DNAH14: variants seen among roughly 807,000 people sequenced by gnomAD.
The protein encoded by DNAH14 is axonemal beta dynein heavy chain 14.
DNAH14 carries 478 observed loss-of-function variants against 520.9 expected under a neutral mutation model. The ratio of observed to expected loss-of-function variants is 0.92; its 90% confidence interval spans 0.85 to 0.99. The LOEUF is 0.99. Ranked by LOEUF, DNAH14 falls within the 50% of genes least tolerant of loss-of-function variation. The pLI, the probability that DNAH14 is intolerant of heterozygous loss-of-function variation, is 0.00. For synonymous variants in DNAH14, 1,581 were observed against 1,757.2 expected, an observed-to-expected ratio of 0.90 and a Z score of 2.51; for missense variants, 4,831 against 5,234.5, an observed-to-expected ratio of 0.92 and a Z score of 2.38.
chr1:225,146,707 C>G (rs972225933), intron 30 of DNAH14, among the ~76,000 whole-genome samples: 2 of 152,198 alleles, frequency 1.3e-5, no homozygotes, highest in Admixed American at 6.5e-5. Context: ...GAAAAGGCAG[C>G]CCCCAGATTC....
At chr1:225,202,342 ACT>A (rs1182964036) in intron 38 of DNAH14, among the ~76,000 whole-genome samples, 1 of 151,424 alleles carries the variant, frequency 6.6e-6, no homozygotes, top group East Asian at 1.9e-4. Context: ...CTGAGCTCAG[ACT>A]CTCCTTGGGC....
chr1:225,192,834 G>A lies in DNAH14; in HGVS notation c.5809G>A (p.Val1937Ile), dbSNP rs1247634768. Residue 1937 changes from valine (V) to isoleucine (I), a missense_variant, in exon 38 of 86, where the codon GTA (valine) becomes ATA (isoleucine). Coordinates refer to ENST00000682510, the MANE Select transcript of DNAH14 (RefSeq NM_001367479.1). ...ATTATCAGCAACAATTCGAAGTTAT[G>A]TATATTTTAACACACCAAAGAACAC... ...GLLSATIRSY[V>I]YFNTPKNTKK... 5 of 1,550,046 alleles carry A rather than the reference G, an allele frequency of 3.2e-6. No homozygotes were observed. Among genetic ancestry groups the A allele is most frequent in the South Asian group, 2.4e-5 (2 of 84,030 alleles).
intron 55 of DNAH14, among the ~76,000 whole-genome samples, chr1:225,298,045 G>T (rs1244115976): frequency 6.6e-6 from 1 of 152,142 alleles, no homozygotes; most frequent in Non-Finnish European, 1.5e-5. Context: ...ACCACCAGGG[G>T]TGACCCATAA....
intron 1 of DNAH14, among the ~76,000 whole-genome samples, chr1:224,930,062 G>A (rs1009891939): frequency 6.6e-6 from 1 of 152,208 alleles, no homozygotes; most frequent in African/African-American, 2.4e-5. Context: ...AGCCCCGACC[G>A]CAGGAGCTCT....
intron 17 of DNAH14, among the ~76,000 whole-genome samples, chr1:225,069,633 C>T (rs1261142972): frequency 6.6e-6 from 1 of 152,088 alleles, no homozygotes; most frequent in East Asian, 1.9e-4. Context: ...AGGACTTTTG[C>T]ACTGGTGTTC....
At position 225,206,152 on chromosome 1, in the gene DNAH14, T is replaced by C. The variant is rs565096536; in HGVS notation, c.6159T>C (p.Thr2053=). 2 of 1,551,308 alleles carry C rather than the reference T, an allele frequency of 1.3e-6. No homozygotes were observed. Among genetic ancestry groups the C allele is most frequent in the Admixed American group, 2.0e-5 (1 of 51,000 alleles). The change falls in exon 40 of 86, where the codon ACT becomes ACC. Residue 2053 remains threonine (T), a synonymous_variant. Coordinates refer to ENST00000682510, the MANE Select transcript of DNAH14 (RefSeq NM_001367479.1). ...VDNLSQASPA[T]VSRCAMVYMD... is the part of the protein sequence containing the mutation. ...ATCTCTCTCAGGCCAGTCCTGCTAC[T>C]GTCAGCCGATGTGCCATGGTCTATA...
At chr1:225,075,052 G>A (rs78174465) in intron 17 of DNAH14, among the ~76,000 whole-genome samples, 10,534 of 152,228 alleles carry the variant, frequency 0.069, 1,181 homozygotes, top group African/African-American at 0.24. Context: ...TAAAGCTCCT[G>A]GGTTTCTGTG....
intron 23 of DNAH14, among the ~76,000 whole-genome samples, chr1:225,102,249 C>T (rs1443662501): frequency 6.6e-6 from 1 of 152,024 alleles, no homozygotes; most frequent in Admixed American, 6.6e-5. Flanking sequence ...CATAGTATTC[C>T]ATGGTATATA....
chr1:224,982,150 T>C (rs1370085397), intron 8 of DNAH14, among the ~76,000 whole-genome samples: 1 of 152,166 alleles, frequency 6.6e-6, no homozygotes, highest in Admixed American at 6.5e-5. Flanking sequence ...ACCTGAGCTT[T>C]AATCATTCCT....
rs773382157 is a variant in DNAH14 at position 225,311,391 on chromosome 1, C to T, written c.9240+2981C>T. Among the ~76,000 whole-genome samples the T allele has an allele frequency of 1.4e-4, 21 of 152,132 alleles. 1 individual carries two copies. The highest frequency in any genetic ancestry group is 2.6e-4 in the Admixed American group (4 of 15,278). Reference sequence around the variant, plus strand: ...TAGATTGCAAAAATTTTCTCCCATTCTGTAGGCTGCCTGTTCACTCTGATG... The same window carrying T: ...TAGATTGCAAAAATTTTCTCCCATTTTGTAGGCTGCCTGTTCACTCTGATG... On this transcript the variant is annotated intron_variant, in intron 60 of 85. Coordinates refer to ENST00000682510, the MANE Select transcript of DNAH14 (RefSeq NM_001367479.1).
At chr1:225,217,082 G>T (rs963505487) in intron 41 of DNAH14, among the ~76,000 whole-genome samples, 5 of 151,182 alleles carry the variant, frequency 3.3e-5, no homozygotes, top group African/African-American at 1.2e-4. Context: ...ATGGGGTTTT[G>T]GTGTGGATGT....
chr1:224,944,297 A>G (rs2059639351), intron 1 of DNAH14, among the ~76,000 whole-genome samples: 1 of 152,104 alleles, frequency 6.6e-6, no homozygotes. Flanking sequence ...AGTCTATTTT[A>G]TCTGAGACTA....
At chr1:225,040,825 T>A (rs982180751) in intron 12 of DNAH14, among the ~76,000 whole-genome samples, 5 of 152,360 alleles carry the variant, frequency 3.3e-5, no homozygotes, top group African/African-American at 1.2e-4. Context: ...CCAATTTCAA[T>A]GACCTTTAGC....
intron 17 of DNAH14, among the ~76,000 whole-genome samples, chr1:225,056,183 C>A (rs1183745279): frequency 6.6e-6 from 1 of 152,062 alleles, no homozygotes; most frequent in Admixed American, 6.6e-5. Context: ...TTCTCCACAT[C>A]CTCTCCAGCA....
chr1:225,372,528 G>GA lies in DNAH14; in HGVS notation c.12319-2156dup, dbSNP rs1345314891. Among the ~76,000 whole-genome samples, 6 of 152,190 alleles carry GA rather than the reference G, an allele frequency of 3.9e-5. No individual in the cohort carries two copies. The South Asian group carries it at 1.2e-3, about 32-fold the overall frequency. On this transcript the variant is annotated intron_variant, in intron 77 of 85. Transcript: ENST00000682510. ...GGCACAACTGGCCATCCAGCTGGAA[G>GA]AAAAGTACTAGTTCCTTTATCTTAT...
intron 68 of DNAH14, among the ~76,000 whole-genome samples, chr1:225,339,491 T>C (rs2897279): frequency 0.6 from 90,694 of 152,042 alleles, 28,172 homozygotes; most frequent in East Asian, 0.76. Context: ...CAAACCCTCT[T>C]CAGAAAATAG....
At chr1:225,120,243 T>G (rs2148876375) in intron 26 of DNAH14, among the ~76,000 whole-genome samples, 1 of 152,318 alleles carries the variant, frequency 6.6e-6, no homozygotes, top group South Asian at 2.1e-4. Flanking sequence ...TCTTGCTGTC[T>G]TCTGTTCCTG....
intron 83 of DNAH14, among the ~76,000 whole-genome samples, chr1:225,392,071 C>G (rs2095922685): frequency 1.3e-5 from 2 of 152,282 alleles, no homozygotes; most frequent in African/African-American, 2.4e-5. Flanking sequence ...TGAAAAACAA[C>G]CCACATTCAC....
At chr1:225,001,732 G>A (rs905679446) in intron 8 of DNAH14, among the ~76,000 whole-genome samples, 10 of 152,066 alleles carry the variant, frequency 6.6e-5, no homozygotes, top group Non-Finnish European at 1.2e-4. Flanking sequence ...AATTTTGATA[G>A]TCACCATCTT....
Sources: allele counts gnomAD v4.1 joint callset (sites outside exome capture counted in the v4.1 genomes callset), GRCh38; gene constraint gnomAD v4.1.1; transcripts MANE v1.5; gene names NCBI Gene and HGNC (gene_info 2026-07-23, HGNC 2026-07-21).